C1orf74: variants seen among roughly 807,000 people sequenced by gnomAD.
C1orf74 encodes the protein UPF0739 protein C1orf74.
Under a neutral mutation model 7.3 loss-of-function variants are expected in C1orf74, and 5 were observed. That is an observed-to-expected ratio of 0.68 (90% confidence interval 0.36 to 1.44). The LOEUF (loss-of-function observed/expected upper bound fraction) is 1.44. Among genes scored for constraint, C1orf74 ranks in the 40% most tolerant of loss-of-function variants. The pLI is 0.04. For missense variants in C1orf74, 291 were observed against 314.3 expected (o/e 0.93, Z 0.56); for synonymous variants, 121 against 132.5 (o/e 0.91, Z 0.59).
rs2102522727 is a variant in C1orf74, at chr1:209,780,713, C to T, written c.*2112G>A. 9.5e-6 allele frequency: 10 copies of T among 1,049,966 alleles called. No individual in the cohort carries two copies. In the South Asian group the frequency reaches 2.1e-4, roughly 22 times the overall value. The allele number at this position is 1,049,966 out of a possible 1,614,324, so 65.0% of individuals were successfully genotyped here. A position where few individuals can be genotyped will look rare whatever the true frequency, so the allele number is the denominator to read the frequency against. On this transcript the variant is annotated 3_prime_UTR_variant, in exon 2 of 2. Transcript: ENST00000294811. ...CAAAGTTTAAGTTGTGAGTGGATAA[C>T]CACAGACATTCATTTGCCTACATAA... is the stretch of plus-strand genomic sequence containing the variant.
Position 209,782,707 on chromosome 1 carries a change from G to C in C1orf74, c.*118C>G, listed in dbSNP as rs1410158052. The stretch of plus-strand genomic sequence containing the variant: ...TGCATTTGTGGCCAACTGATCTACA[G>C]CATTGTGCCTTAGTGTATTCAAGAC... On this transcript the variant is annotated 3_prime_UTR_variant, in exon 2 of 2. Coordinates refer to ENST00000294811, the MANE Select transcript of C1orf74 (RefSeq NM_152485.4). 1 of 1,062,252 alleles carries C rather than the reference G, an allele frequency of 9.4e-7. No homozygotes were observed. Among genetic ancestry groups the C allele is most frequent in the Non-Finnish European group, 1.4e-6 (1 of 727,558 alleles). 65.8% of individuals were successfully genotyped at this position (1,062,252 alleles called of 1,614,324 possible). A position where few individuals can be genotyped will look rare whatever the true frequency, so the allele number is the denominator to read the frequency against.
chr1:209,784,037 C>T (rs2102530266), intron 1 of C1orf74, among the ~76,000 whole-genome samples: 1 of 152,240 alleles, frequency 6.6e-6, no homozygotes, highest in South Asian at 2.1e-4. Flanking sequence ...CACAGCATTT[C>T]GCCCAAAAGC....
Position 209,781,372 on chromosome 1 carries a change from A to C in C1orf74, c.*1453T>G, listed in dbSNP as rs1272856882. ...CAGAGAACTGCATTCAGAATTAGAC[A>C]ACCTCAGTGACGAGTATCTCTCCTG... On this transcript the variant is annotated 3_prime_UTR_variant, in exon 2 of 2. Transcript: ENST00000294811. The C allele has an allele frequency of 1.2e-6, 2 of 1,613,414 alleles. No individual in the cohort carries two copies. Among genetic ancestry groups the C allele is most frequent in the Admixed American group, 1.7e-5 (1 of 59,996 alleles).
In C1orf74 at chr1:209,783,567, A is replaced by C. The variant is rs1571974891; in HGVS notation, c.68T>G (p.Leu23Arg). 1 of 1,613,916 alleles carries C rather than the reference A, an allele frequency of 6.2e-7. No homozygotes were observed. The highest frequency in any genetic ancestry group is 8.5e-7 in the Non-Finnish European group (1 of 1,179,934). The change falls in exon 2 of 2, where the codon CTT (leucine) becomes CGT (arginine). Residue 23 changes from leucine to arginine, a missense_variant. Physicochemically the swap from Leu to Arg is moderately radical, Grantham distance 102 (BLOSUM62 -2). Transcript: ENST00000294811. ...QLLVAAAQQT[L>R]GMGKRRSPPQ... Reference sequence around the variant, plus strand: ...TGGACTCCGTCTCTTTCCCATGCCAAGGGTCTGCTGAGCAGCTGCCACCAG... The same window carrying C: ...TGGACTCCGTCTCTTTCCCATGCCACGGGTCTGCTGAGCAGCTGCCACCAG...
rs971349373 is a variant in C1orf74 at position 209,779,729 on chromosome 1, T to A, written c.*3096A>T. The stretch of plus-strand genomic sequence containing the variant: ...TCCCCAGCCCCAAACCACATAGCAG[T>A]CCAGAGTCAACTCACTGTTAGCCCT... On this transcript the variant is annotated 3_prime_UTR_variant, in exon 2 of 2. Coordinates refer to ENST00000294811, the MANE Select transcript of C1orf74 (RefSeq NM_152485.4). The A allele has an allele frequency of 1.7e-6, 1 of 571,908 alleles. No homozygotes were observed. Among genetic ancestry groups the A allele is most frequent in the Admixed American group, 3.2e-5 (1 of 31,098 alleles). The allele number at this position is 571,908 out of a possible 1,614,324, so 35.4% of individuals were successfully genotyped here.
Position 209,783,228 on chromosome 1 carries a change from T to C in C1orf74, c.407A>G (p.Lys136Arg). 1 of 1,614,120 alleles carries C rather than the reference T, an allele frequency of 6.2e-7. No homozygotes were observed. ...TGTGATGATCTCAGCCACGAGGGCC[T>C]TCAAGTCCTGAAGCTGGTCCAGGGA... ...VCSLDQLQDL[K>R]ALVAEIITHL... is the part of the protein sequence containing the mutation. Residue 136 changes from lysine to arginine, a missense_variant, in exon 2 of 2, where the codon AAG becomes AGG. Transcript: ENST00000294811.
At chr1:209,783,818 GA>G in intron 1 of C1orf74, 109 bp from the exon 2 acceptor site, 1 of 543,544 alleles carries the variant, frequency 1.8e-6, no homozygotes, top group South Asian at 2.9e-5. Flanking sequence ...ACCCAGCCCA[GA>G]CAAGATAGTT....
chr1:209,779,219 C>T lies in C1orf74; in HGVS notation c.*3606G>A. 1.0e-6 allele frequency: 1 copy of T among 955,466 alleles called. No homozygotes were observed. Among genetic ancestry groups the T allele is most frequent in the Non-Finnish European group, 1.6e-6 (1 of 621,020 alleles). 59.2% of individuals were successfully genotyped at this position (955,466 alleles called of 1,614,324 possible). ...AAATTCAACACACAGCAGATGGGAA[C>T]ATATTTAATAACCAAGGTTCTAAGC... is the stretch of plus-strand genomic sequence containing the variant. On this transcript the variant is annotated 3_prime_UTR_variant, in exon 2 of 2. Transcript: ENST00000294811.
Position 209,779,289 on chromosome 1 carries a change from G to GGAAA in C1orf74, c.*3535_*3536insTTTC. 1.9e-6 allele frequency: 3 copies of GGAAA among 1,609,010 alleles called. No individual in the cohort carries two copies. Among genetic ancestry groups the GGAAA allele is most frequent in the Non-Finnish European group, 2.6e-6 (3 of 1,175,538 alleles). ...TTTTTGTAGTAAATATGCTAGCATA[G>GGAAA]ACAAGTTCCTTGTGTTTTCCAACAG... On this transcript the variant is annotated 3_prime_UTR_variant, in exon 2 of 2. Transcript: ENST00000294811.
In C1orf74 at chr1:209,781,737, C is replaced by G; in HGVS notation, c.*1088G>C. On this transcript the variant is annotated 3_prime_UTR_variant, in exon 2 of 2. Coordinates refer to ENST00000294811, the MANE Select transcript of C1orf74 (RefSeq NM_152485.4). ...TTTTAGCCGATGATAAGCATGGTGG[C>G]AAGAACAGAAGGACACAAAAGTACT... 2.1e-6 allele frequency: 1 copy of G among 480,786 alleles called. No individual in the cohort carries two copies. Among genetic ancestry groups the G allele is most frequent in the Non-Finnish European group, 3.7e-6 (1 of 267,278 alleles). The allele number at this position is 480,786 out of a possible 1,614,324, so 29.8% of individuals were successfully genotyped here.
At chr1:209,783,742 C>CAGCCTTCCGG in intron 1 of C1orf74, 33 bp from the exon 2 acceptor site, 1 of 915,306 alleles carries the variant, frequency 1.1e-6, no homozygotes, top group Non-Finnish European at 1.7e-6. Context: ...GAATTATTAA[C>CAGCCTTCCGG]AGCCTTCCTG....
rs928978674 is a variant in C1orf74, at chr1:209,780,746, G to C, written c.*2079C>G. On this transcript the variant is annotated 3_prime_UTR_variant, in exon 2 of 2. Transcript: ENST00000294811. Reference sequence around the variant, plus strand: ...ATTCATTTGCCTACATAAAGTGTCTGTGCTTTTGGGCTGACTTGTCAATCT... The same window carrying C: ...ATTCATTTGCCTACATAAAGTGTCTCTGCTTTTGGGCTGACTTGTCAATCT... 7 of 749,840 alleles carry C rather than the reference G, an allele frequency of 9.3e-6. No homozygotes were observed. The Admixed American group carries it at 3.0e-4, about 32-fold the overall frequency. 46.4% of individuals were successfully genotyped at this position (749,840 alleles called of 1,614,324 possible). A position where few individuals can be genotyped will look rare whatever the true frequency, so the allele number is the denominator to read the frequency against.
chr1:209,780,435 C>A lies in C1orf74; in HGVS notation c.*2390G>T. On this transcript the variant is annotated 3_prime_UTR_variant, in exon 2 of 2. Coordinates refer to ENST00000294811, the MANE Select transcript of C1orf74 (RefSeq NM_152485.4). Reference sequence around the variant, plus strand: ...CAGGGCCCTTCCTCAGAGGTGTGGGCCTCACTGTCACCAAGAATCTGGCTG... The same window carrying A: ...CAGGGCCCTTCCTCAGAGGTGTGGGACTCACTGTCACCAAGAATCTGGCTG... 1 of 1,517,962 alleles carries A rather than the reference C, an allele frequency of 6.6e-7. No individual in the cohort carries two copies. Among genetic ancestry groups the A allele is most frequent in the Non-Finnish European group, 8.9e-7 (1 of 1,124,772 alleles). 94.0% of individuals were successfully genotyped at this position (1,517,962 alleles called of 1,614,324 possible). A position where few individuals can be genotyped will look rare whatever the true frequency, so the allele number is the denominator to read the frequency against.
Position 209,780,444 on chromosome 1 carries a change from C to T in C1orf74, c.*2381G>A. On this transcript the variant is annotated 3_prime_UTR_variant, in exon 2 of 2. Transcript: ENST00000294811. ...TCCTCAGAGGTGTGGGCCTCACTGT[C>T]ACCAAGAATCTGGCTGCTTTTTTAG... 6.5e-7 allele frequency: 1 copy of T among 1,533,910 alleles called. No homozygotes were observed. Among genetic ancestry groups the T allele is most frequent in the Non-Finnish European group, 8.8e-7 (1 of 1,133,216 alleles).
rs1180840456 is a variant in C1orf74 at position 209,784,551 on chromosome 1, C to T, written c.-249G>A. ...TCTGCTCCAGTCCCGCAGGCACCTT[C>T]TTGCGCATGCGCACCCACTCGAGTG... On this transcript the variant is annotated 5_prime_UTR_variant, in exon 1 of 2. Coordinates refer to ENST00000294811, the MANE Select transcript of C1orf74 (RefSeq NM_152485.4). 1.3e-5 allele frequency: 2 copies of T among 152,306 alleles called. No individual in the cohort carries two copies. The highest frequency in any genetic ancestry group is 2.4e-5 in the African/African-American group (1 of 41,484). The allele number at this position is 152,306 out of a possible 1,614,324, so 9.4% of individuals were successfully genotyped here.
chr1:209,780,353 C>T lies in C1orf74; in HGVS notation c.*2472G>A, dbSNP rs2077749004. ...TGTCAGAGAATGCCATCAGTCTAGC[C>T]AAGAGCACGCCCTCCCAAGTTCCCT... On this transcript the variant is annotated 3_prime_UTR_variant, in exon 2 of 2. Transcript: ENST00000294811. 2 of 991,398 alleles carry T rather than the reference C, an allele frequency of 2.0e-6. No homozygotes were observed. The highest frequency in any genetic ancestry group is 5.9e-5 in the Admixed American group (2 of 34,102). The allele number at this position is 991,398 out of a possible 1,614,324, so 61.4% of individuals were successfully genotyped here.
In C1orf74 at chr1:209,783,428, A is replaced by C; in HGVS notation, c.207T>G (p.Tyr69Ter). Residue 69 changes from tyrosine to a stop codon, truncating the protein, a stop_gained, in exon 2 of 2, where the codon TAT becomes TAG. Transcript: ENST00000294811. LOFTEE classifies it low-confidence loss of function (END_TRUNC). ...AGCCAAGCCCCTTCAGCTCCTCCAG[A>C]TAGCTCTGGAGCTCTGATGCCCCTG... ...NCAGASELQS[Y>*]LEELKGLGFL... is the part of the protein sequence containing the mutation. 1.2e-6 allele frequency: 2 copies of C among 1,614,158 alleles called. No homozygotes were observed. The highest frequency in any genetic ancestry group is 1.7e-6 in the Non-Finnish European group (2 of 1,180,012).
At position 209,781,001 on chromosome 1, in the gene C1orf74, G is replaced by A. The variant is rs2077766553; in HGVS notation, c.*1824C>T. The A allele has an allele frequency of 5.2e-6, 1 of 192,008 alleles. No homozygotes were observed. Among genetic ancestry groups the A allele is most frequent in the East Asian group, 1.4e-4 (1 of 7,022 alleles). 11.9% of individuals were successfully genotyped at this position (192,008 alleles called of 1,614,324 possible). On this transcript the variant is annotated 3_prime_UTR_variant, in exon 2 of 2. Transcript: ENST00000294811. ...AAGTATTGATATGCAACTAGCTCCT[G>A]GGAAAGAAACTTGTACTAAGGTCAC...
chr1:209,783,422 C>T lies in C1orf74; in HGVS notation c.213G>A (p.Glu71=). 1 of 1,614,198 alleles carries T rather than the reference C, an allele frequency of 6.2e-7. No individual in the cohort carries two copies. The change falls in exon 2 of 2, where the codon GAG becomes GAA. Residue 71 remains glutamate, a synonymous_variant. Coordinates refer to ENST00000294811, the MANE Select transcript of C1orf74 (RefSeq NM_152485.4). ...AGASELQSYL[E]ELKGLGFLTF... is the part of the protein sequence containing the mutation. The stretch of plus-strand genomic sequence containing the variant: ...TCAGGAAGCCAAGCCCCTTCAGCTC[C>T]TCCAGATAGCTCTGGAGCTCTGATG...
Sources: allele counts gnomAD v4.1 joint callset (sites outside exome capture counted in the v4.1 genomes callset), GRCh38; gene constraint gnomAD v4.1.1; transcripts MANE v1.5; gene names NCBI Gene and HGNC (gene_info 2026-07-23, HGNC 2026-07-21).